FRS2: variants seen among roughly 807,000 people sequenced by gnomAD.
FRS2 encodes FGFR signalling adaptor.
In FRS2, 8 loss-of-function variants were observed where a neutral mutation model predicts 43.9. The observed-to-expected ratio is 0.18, with a 90% CI of 0.11 to 0.33. FRS2 has a LOEUF of 0.33. Among genes scored for constraint, FRS2 ranks in the 10% least tolerant of loss-of-function variants. The probability of loss-of-function intolerance (pLI) is 1.00; values close to 1 mark genes in which losing one functional copy is unlikely to be tolerated. For missense variants in FRS2, 534 were observed against 627.6 expected, an observed-to-expected ratio of 0.85 and a Z score of 1.59; for synonymous variants, 219 against 220.3, an observed-to-expected ratio of 0.99 and a Z score of 0.05.
intron 1 of FRS2, among the ~76,000 whole-genome samples, chr12:69,497,115 C>A (rs1391983132): frequency 2.0e-5 from 3 of 152,150 alleles, no homozygotes; most frequent in Non-Finnish European, 4.4e-5. Flanking sequence ...GTACTGGGGA[C>A]TGGGGCTGTA....
chr12:69,569,190 C>A, intron 5 of FRS2, 94 bp downstream of exon 5: 1 of 682,692 alleles, frequency 1.5e-6, no homozygotes, highest in Non-Finnish European at 2.6e-6. Flanking sequence ...CTTTTATCAC[C>A]AAACCTTTCT....
chr12:69,470,985 C>T (rs1370631673), intron 1 of FRS2, among the ~76,000 whole-genome samples: 1 of 152,090 alleles, frequency 6.6e-6, no homozygotes, highest in African/African-American at 2.4e-5. Flanking sequence ...CCAGGGGTGT[C>T]GTCTTTTCCC....
chr12:69,487,711 G>A (rs571408127), intron 1 of FRS2, among the ~76,000 whole-genome samples: 1 of 152,322 alleles, frequency 6.6e-6, no homozygotes, highest in Non-Finnish European at 1.5e-5. Context: ...GCCATAGGTA[G>A]TGATTCTTCT....
At chr12:69,547,263 G>A (rs907262490) in intron 3 of FRS2, among the ~76,000 whole-genome samples, 2 of 152,108 alleles carry the variant, frequency 1.3e-5, no homozygotes. Flanking sequence ...AAGATGAAAA[G>A]AAGCCTAGGC....
intron 1 of FRS2, among the ~76,000 whole-genome samples, chr12:69,486,634 G>A (rs1420125295): frequency 6.6e-6 from 1 of 152,228 alleles, no homozygotes; most frequent in Non-Finnish European, 1.5e-5. Flanking sequence ...AGGAAGGCAT[G>A]TTGAAAGAGA....
At chr12:69,483,693 T>TA (rs1309418294) in intron 1 of FRS2, among the ~76,000 whole-genome samples, 1 of 152,122 alleles carries the variant, frequency 6.6e-6, no homozygotes, top group Middle Eastern at 3.2e-3. Context: ...TTGCAAAATA[T>TA]AAAAAAATAA....
At chr12:69,556,237 T>C (rs2135754560) in intron 3 of FRS2, among the ~76,000 whole-genome samples, 1 of 152,328 alleles carries the variant, frequency 6.6e-6, no homozygotes, top group African/African-American at 2.4e-5. Flanking sequence ...AGTAACATCA[T>C]ATCCAACTGA....
At chr12:69,507,310 A>AT (rs1015129580) in intron 1 of FRS2, among the ~76,000 whole-genome samples, 4 of 151,824 alleles carry the variant, frequency 2.6e-5, no homozygotes, top group South Asian at 2.1e-4. Flanking sequence ...AATACTTGGC[A>AT]TTTTTTTTGG....
intron 1 of FRS2, among the ~76,000 whole-genome samples, chr12:69,515,643 A>G (rs924499625): frequency 1.3e-5 from 2 of 152,118 alleles, no homozygotes; most frequent in Non-Finnish European, 2.9e-5. Flanking sequence ...AGACAAATAC[A>G]TGTGGAAGAG....
intron 3 of FRS2, among the ~76,000 whole-genome samples, chr12:69,556,455 CCT>C (rs1457641572): frequency 2.5e-4 from 38 of 151,980 alleles, no homozygotes; most frequent in Non-Finnish European, 1.5e-5. Flanking sequence ...GTCTCAGTCC[CCT>C]GAGTAGCTGG....
intron 1 of FRS2, among the ~76,000 whole-genome samples, chr12:69,503,221 A>G (rs1207339971): frequency 1.3e-5 from 2 of 152,062 alleles, no homozygotes; most frequent in Non-Finnish European, 2.9e-5. Context: ...TGCTGCCTTT[A>G]TTCTTTGCCA....
chr12:69,550,412 T>C (rs1476704033), intron 3 of FRS2, among the ~76,000 whole-genome samples: 1 of 151,888 alleles, frequency 6.6e-6, no homozygotes, highest in African/African-American at 2.4e-5. Flanking sequence ...GTAGGAAATA[T>C]TTTTAACTCA....
chr12:69,571,347 A>G lies in FRS2; in HGVS notation c.325A>G (p.Ser109Gly), dbSNP rs754273671. The G allele has an allele frequency of 1.2e-6, 2 of 1,608,340 alleles. No homozygotes were observed. The highest frequency in any genetic ancestry group is 1.3e-5 in the African/African-American group (1 of 74,808). Residue 109 changes from serine (S) to glycine (G), a missense_variant, in exon 7 of 9, where the codon AGT (serine) becomes GGT (glycine). Around this residue, in one of 3 missense-constraint regions of FRS2, gnomAD observed 446 missense variants for 494.2 expected, o/e 0.90. Coordinates refer to ENST00000549921, the MANE Select transcript of FRS2 (RefSeq NM_001278356.2). ...NMLQEIMQNN[S>G]INVVEEPVVE... The stretch of plus-strand genomic sequence containing the variant: ...GTTGCAAGAGATTATGCAAAATAAT[A>G]GTATAAATGTGGTGGAAGAGCCAGT...
At position 69,571,442 on chromosome 12, in the gene FRS2, C is replaced by A; in HGVS notation, c.412+8C>A. 6.2e-7 allele frequency: 1 copy of A among 1,602,392 alleles called. No homozygotes were observed. The highest frequency in any genetic ancestry group is 8.5e-7 in the Non-Finnish European group (1 of 1,172,092). On this transcript the variant is annotated splice_region_variant and intron_variant, in intron 7 of 8. Coordinates refer to ENST00000549921, the MANE Select transcript of FRS2 (RefSeq NM_001278356.2). ...CACCTCGAACACCTACAAGTAAGTA[C>A]CCCTTTTCCCTTTCACATTTTGAAT...
In FRS2 at chr12:69,490,123, G is replaced by A. The variant is rs183175038; in HGVS notation, c.-261+19593G>A. 5.9e-4 allele frequency among the ~76,000 whole-genome samples: 90 copies of A among 152,062 alleles called. 1 individual carries two copies. Among genetic ancestry groups the A allele is most frequent in the Middle Eastern group, 3.4e-3 (1 of 294 alleles). On this transcript the variant is annotated intron_variant, in intron 1 of 8. Transcript: ENST00000549921. ...TAAATACACTACTCTTTATGTTACCGTTATGTATTTTCCCCATGTCAAGAA... is the reference window on the plus strand; with the variant it reads ...TAAATACACTACTCTTTATGTTACCATTATGTATTTTCCCCATGTCAAGAA...
intron 1 of FRS2, among the ~76,000 whole-genome samples, chr12:69,473,103 A>C (rs10878995): frequency 0.035 from 5,296 of 152,326 alleles, 312 homozygotes; most frequent in African/African-American, 0.12. Flanking sequence ...ATAGCTCAGA[A>C]GCTACTGTTT....
chr12:69,579,115 A>G lies in FRS2; in HGVS notation c.*4160A>G, dbSNP rs1025896440. 3 of 152,562 alleles carry G rather than the reference A, an allele frequency of 2.0e-5. No individual in the cohort carries two copies. The highest frequency in any genetic ancestry group is 2.9e-5 in the Non-Finnish European group (2 of 68,022). The allele number at this position is 152,562 out of a possible 1,614,324, so 9.5% of individuals were successfully genotyped here. On this transcript the variant is annotated 3_prime_UTR_variant, in exon 9 of 9. Coordinates refer to ENST00000549921, the MANE Select transcript of FRS2 (RefSeq NM_001278356.2). Reference sequence around the variant, plus strand: ...TATCCCTTCCCACCCTTTGTTCTCTATTTCTCCCTATCAGTGCCAACTTCA... The same window carrying G: ...TATCCCTTCCCACCCTTTGTTCTCTGTTTCTCCCTATCAGTGCCAACTTCA...
Position 69,571,427 on chromosome 12 carries a change from A to G in FRS2, c.405A>G (p.Thr135=), listed in dbSNP as rs1309915568. The G allele has an allele frequency of 2.5e-6, 4 of 1,611,138 alleles. No homozygotes were observed. Among genetic ancestry groups the G allele is most frequent in the Non-Finnish European group, 3.4e-6 (4 of 1,178,308 alleles). Residue 135 remains threonine, a synonymous_variant, in exon 7 of 9, where the codon ACA becomes ACG. Transcript: ENST00000549921. ...TELEVPRTPR[T]PTTPGFAAQN... ...TGGAAGTCCCTAGAACACCTCGAACACCTACAAGTAAGTACCCCTTTTCCC... is the reference window on the plus strand; with the variant it reads ...TGGAAGTCCCTAGAACACCTCGAACGCCTACAAGTAAGTACCCCTTTTCCC...
intron 1 of FRS2, among the ~76,000 whole-genome samples, chr12:69,488,714 C>G (rs1416205245): frequency 6.6e-6 from 1 of 152,158 alleles, no homozygotes; most frequent in Non-Finnish European, 1.5e-5. Context: ...GCCTCTGAAT[C>G]TTTTTGAACT....
Sources: allele counts gnomAD v4.1 joint callset (sites outside exome capture counted in the v4.1 genomes callset), GRCh38; gene constraint gnomAD v4.1.1; regional missense constraint gnomAD v4.1.1; transcripts MANE v1.5; gene names NCBI Gene and HGNC (gene_info 2026-07-23, HGNC 2026-07-21).